The following HECW2 variants were observed in gnomAD, a reference collection of about 807,000 sequenced individuals.
The protein encoded by HECW2 is E3 ubiquitin-protein ligase HECW2.
A neutral mutation model predicts 175.2 loss-of-function variants in HECW2; 61 were observed. The ratio of observed to expected loss-of-function variants is 0.35; its 90% CI spans 0.28 to 0.43. The LOEUF (loss-of-function observed/expected upper bound fraction) is 0.43, where lower values mean the gene tolerates loss of function less well. Among genes scored for constraint, HECW2 ranks in the 20% least tolerant of loss-of-function variants. The probability of loss-of-function intolerance (pLI) is 1.00; values close to 1 mark genes in which losing one functional copy is unlikely to be tolerated. For missense variants in HECW2, 1,524 were observed against 2,000.5 expected (o/e 0.76, Z 4.54); for synonymous variants, 671 against 731.0 (o/e 0.92, Z 1.32).
chr2:196,333,986 A>C, intron 4 of HECW2, among the ~76,000 whole-genome samples: 1 of 152,240 alleles, frequency 6.6e-6, no homozygotes, highest in East Asian at 1.9e-4. Flanking sequence ...TAAGGAAAAC[A>C]GTGCATTTGT....
intron 1 of HECW2, among the ~76,000 whole-genome samples, chr2:196,436,878 T>C (rs1695893337): frequency 6.6e-6 from 1 of 152,208 alleles, no homozygotes; most frequent in African/African-American, 2.4e-5. Context: ...AATGGCACTT[T>C]ATATACATGT....
chr2:196,571,395 G>T (rs1206033978), intron 1 of HECW2, among the ~76,000 whole-genome samples: 1 of 152,136 alleles, frequency 6.6e-6, no homozygotes, highest in Non-Finnish European at 1.5e-5. Flanking sequence ...AAATCATTAA[G>T]TCTACTGGCC....
rs1553489735 is a variant in HECW2 at position 196,278,133 on chromosome 2, A to ATATATATAT, written c.3135+394_3135+395insATATATATA. ...CCTAGAACTTAAAGTATAATTAAAA[A>ATATATATAT]ATATATATATATATATATAAAGAAA... is the stretch of plus-strand genomic sequence containing the variant. On this transcript the variant is annotated intron_variant, in intron 15 of 28. Transcript: ENST00000644978. Among the ~76,000 whole-genome samples the ATATATATAT allele has an allele frequency of 2.2e-3, 144 of 66,550 alleles. 26 individuals carry two copies. Among genetic ancestry groups the ATATATATAT allele is most frequent in the South Asian group, 8.4e-3 (13 of 1,550 alleles). 43.7% of individuals were successfully genotyped at this position (66,550 alleles called of 152,430 possible).
chr2:196,376,233 A>G (rs1694047334), intron 2 of HECW2, among the ~76,000 whole-genome samples: 1 of 152,252 alleles, frequency 6.6e-6, no homozygotes. Context: ...TTAAACAACA[A>G]TTTGAAGAGA....
chr2:196,342,951 A>G (rs2105828089), intron 3 of HECW2, among the ~76,000 whole-genome samples: 2 of 53,372 alleles, frequency 3.7e-5, no homozygotes, highest in East Asian at 1.1e-3. Context: ...AACCATATAT[A>G]ATTTATATAC....
At chr2:196,416,632 CAAAGGGG>C (rs1183521522) in intron 2 of HECW2, among the ~76,000 whole-genome samples, 2 of 152,098 alleles carry the variant, frequency 1.3e-5, no homozygotes, top group African/African-American at 4.8e-5. Flanking sequence ...AGGAGACTGC[CAAAGGGG>C]ACAATTGAAG....
chr2:196,456,189 G>T (rs755294819), intron 1 of HECW2, among the ~76,000 whole-genome samples: 4 of 152,042 alleles, frequency 2.6e-5, no homozygotes, highest in Non-Finnish European at 5.9e-5. Flanking sequence ...AACAACAGAA[G>T]AAAGGACACT....
chr2:196,261,761 T>C (rs1420248294), intron 17 of HECW2, among the ~76,000 whole-genome samples: 5 of 152,232 alleles, frequency 3.3e-5, no homozygotes, highest in Non-Finnish European at 4.4e-5. Context: ...TTATAAAAGC[T>C]GTAAGCATAA....
At chr2:196,259,429 T>A (rs902311023) in intron 17 of HECW2, among the ~76,000 whole-genome samples, 2 of 152,220 alleles carry the variant, frequency 1.3e-5, no homozygotes, top group Admixed American at 1.3e-4. Context: ...GCCACACAGC[T>A]TATGAGGTAT....
At chr2:196,459,747 C>T (rs1696664110) in intron 1 of HECW2, among the ~76,000 whole-genome samples, 1 of 152,286 alleles carries the variant, frequency 6.6e-6, no homozygotes, top group South Asian at 2.1e-4. Flanking sequence ...AGACCACAGA[C>T]CACAGAGTGG....
intron 17 of HECW2, among the ~76,000 whole-genome samples, chr2:196,267,410 T>C (rs1047468791): frequency 1.3e-5 from 2 of 152,176 alleles, no homozygotes; most frequent in African/African-American, 2.4e-5. Flanking sequence ...AAACATCTTC[T>C]TTCAGTGAGA....
intron 2 of HECW2, among the ~76,000 whole-genome samples, chr2:196,408,630 T>C (rs1457291955): frequency 6.6e-6 from 1 of 152,250 alleles, no homozygotes; most frequent in Non-Finnish European, 1.5e-5. Flanking sequence ...CATTGAACTT[T>C]CTTTCAAGAT....
At chr2:196,331,402 C>T (rs1319702085) in intron 4 of HECW2, 1 of 459,896 alleles carries the variant, frequency 2.2e-6, no homozygotes, top group Non-Finnish European at 2.9e-6. Context: ...GAGACACACC[C>T]TCGGTAACCT....
chr2:196,218,154 C>A (rs1687541914), intron 26 of HECW2: 1 of 152,258 alleles, frequency 6.6e-6, no homozygotes, highest in Admixed American at 6.5e-5. Flanking sequence ...AGTGCACTGG[C>A]TCTTTGTAGC....
chr2:196,304,145 G>C (rs1172954325), intron 13 of HECW2, among the ~76,000 whole-genome samples: 1 of 152,172 alleles, frequency 6.6e-6, no homozygotes, highest in East Asian at 1.9e-4. Context: ...CCAACCTTCT[G>C]TAGCCCTGCA....
chr2:196,247,921 C>G (rs1322920349), intron 19 of HECW2, among the ~76,000 whole-genome samples: 3 of 152,196 alleles, frequency 2.0e-5, no homozygotes, highest in Non-Finnish European at 4.4e-5. Flanking sequence ...ACGCTCATCT[C>G]TTTCCTGGTT....
chr2:196,462,331 A>G (rs1696780882), intron 1 of HECW2, among the ~76,000 whole-genome samples: 1 of 152,222 alleles, frequency 6.6e-6, no homozygotes, highest in African/African-American at 2.4e-5. Flanking sequence ...GACCTAAAGA[A>G]AGAATAAAAT....
chr2:196,452,996 AT>A lies in HECW2; in HGVS notation c.-35-19539del, dbSNP rs922037403. On this transcript the variant is annotated intron_variant, in intron 1 of 28. Coordinates refer to ENST00000644978, the MANE Select transcript of HECW2 (RefSeq NM_001348768.2). ...TGATGAAATTGTGGCCTCTGACAAA[AT>A]TTTTTTTAAAGCTTATTTTCTGTAA... 4.6e-5 allele frequency among the ~76,000 whole-genome samples: 7 copies of A among 152,030 alleles called. No homozygotes were observed. In the East Asian group the frequency reaches 5.8e-4, roughly 13 times the overall value.
intron 2 of HECW2, among the ~76,000 whole-genome samples, chr2:196,349,555 G>A (rs977295564): frequency 2.0e-5 from 3 of 151,486 alleles, no homozygotes; most frequent in Non-Finnish European, 2.9e-5. Context: ...GCACACATGC[G>A]TACCTTGGCC....
Sources: gnomAD v4.1 joint callset for allele counts (sites outside exome capture counted in the v4.1 genomes callset) on GRCh38, gnomAD v4.1.1 for gene constraint, MANE v1.5 for transcripts, NCBI Gene and HGNC (gene_info 2026-07-23, HGNC 2026-07-21) for gene names.